ZAN: variants seen among roughly 807,000 people sequenced by gnomAD.
ZAN encodes zonadhesin.
Under a neutral mutation model 286.2 loss-of-function variants are expected in ZAN, and 260 were observed. That is an observed-to-expected ratio of 0.91 (90% CI 0.82 to 1.01). ZAN has a LOEUF of 1.01. Ranked by LOEUF, ZAN falls within the 50% of genes least tolerant of loss-of-function variation. The pLI is 0.00. For synonymous variants in ZAN, 1,368 were observed against 1,417.5 expected, an observed-to-expected ratio of 0.97 and a Z score of 0.79; for missense variants, 3,410 against 3,639.2, an observed-to-expected ratio of 0.94 and a Z score of 1.62.
chr7:100,766,900 G>A, intron 24 of ZAN, 110 bp from the exon 25 acceptor site: 4 of 1,538,690 alleles, frequency 2.6e-6, no homozygotes, highest in Non-Finnish European at 2.6e-6. Flanking sequence ...CACATCTGTG[G>A]GTGGGCCGTG....
At chr7:100,761,340 C>G (rs1462592907) in intron 19 of ZAN, among the ~76,000 whole-genome samples, 1 of 151,850 alleles carries the variant, frequency 6.6e-6, no homozygotes, top group Non-Finnish European at 1.5e-5. Context: ...CATATCTCCA[C>G]AAAAAAATTT....
rs1807588795 is a variant in ZAN, at chr7:100,739,430, G to T, written c.766+817G>T. Among the ~76,000 whole-genome samples, 3 of 138,674 alleles carry T rather than the reference G, an allele frequency of 2.2e-5. 1 individual carries two copies. Among genetic ancestry groups the T allele is most frequent in the Admixed American group, 7.1e-5 (1 of 14,046 alleles). 91.0% of individuals were successfully genotyped at this position (138,674 alleles called of 152,430 possible). A position where few individuals can be genotyped will look rare whatever the true frequency, so the allele number is the denominator to read the frequency against. On this transcript the variant is annotated intron_variant, in intron 7 of 47. Coordinates refer to ENST00000613979, the MANE Select transcript of ZAN (RefSeq NM_003386.3). ...AAGGAAGAGTAGGGTGTGGTAGCGG[G>T]GGGGCAGTTACCGACACAAAGTAAA...
rs374695881 is a variant in ZAN, at chr7:100,750,770, C to G, written c.1395C>G (p.Leu465=). ...HMYGLGEGTM[L]ELLLGSPAGS... ...ATGGCCTTGGGGAGGGTACTATGCT[C>G]GAACTCCTCCTGGGAAGTCCTGCGG... The change falls in exon 12 of 48, where the codon CTC becomes CTG. Residue 465 remains leucine (L), a synonymous_variant. Coordinates refer to ENST00000613979, the MANE Select transcript of ZAN (RefSeq NM_003386.3). 153 of 1,612,812 alleles carry G rather than the reference C, an allele frequency of 9.5e-5. No individual in the cohort carries two copies. The highest frequency in any genetic ancestry group is 1.2e-4 in the Non-Finnish European group (146 of 1,179,430).
At chr7:100,746,464 C>T in intron 7 of ZAN, 74 bp from the exon 8 acceptor site, 1 of 1,557,038 alleles carries the variant, frequency 6.4e-7, no homozygotes, top group Non-Finnish European at 8.7e-7. Context: ...TCCACAGCCT[C>T]CTCAGGGCCC....
chr7:100,795,421 C>T (rs1401896655), intron 45 of ZAN, 85 bp downstream of exon 45: 5 of 1,283,064 alleles, frequency 3.9e-6, no homozygotes, highest in Non-Finnish European at 5.0e-6. Flanking sequence ...ATTATATTCA[C>T]ATATAGAATG....
Position 100,752,887 on chromosome 7 carries a change from A to G in ZAN, c.2782A>G (p.Thr928Ala). The change falls in exon 14 of 48, where the codon ACC becomes GCC. Residue 928 changes from threonine to alanine, a missense_variant. By Grantham distance (58) the Thr-to-Ala change is moderately conservative (BLOSUM62 0). Transcript: ENST00000613979. ...ACCCACCATCCCCACGGAAAAACCC[A>G]CCATCCCCACTGAAGAGACTACCAT... ...EKPTIPTEKP[T>A]IPTEETTIST... The G allele has an allele frequency of 6.2e-7, 1 of 1,610,140 alleles. No individual in the cohort carries two copies. The highest frequency in any genetic ancestry group is 1.4e-5 in the African/African-American group (1 of 73,948).
intron 40 of ZAN, among the ~76,000 whole-genome samples, chr7:100,791,430 T>C (rs552342051): frequency 6.6e-6 from 1 of 151,982 alleles, no homozygotes; most frequent in South Asian, 2.1e-4. Flanking sequence ...CTCCTCCTAC[T>C]TCTTCTTCCT....
At chr7:100,780,327 A>G (rs1256602247) in intron 35 of ZAN, among the ~76,000 whole-genome samples, 1 of 152,160 alleles carries the variant, frequency 6.6e-6, no homozygotes, top group Non-Finnish European at 1.5e-5. Flanking sequence ...CATTTGCAGG[A>G]TTCAAAAACG....
chr7:100,758,142 C>G, intron 15 of ZAN, 60 bp from the exon 16 acceptor site: 1 of 1,336,286 alleles, frequency 7.5e-7, no homozygotes, highest in East Asian at 2.7e-5. Context: ...AAAAGAAAGG[C>G]AAAGGGAGAA....
intron 34 of ZAN, among the ~76,000 whole-genome samples, chr7:100,776,890 G>A (rs1215772774): frequency 4.1e-5 from 6 of 145,014 alleles, no homozygotes; most frequent in Admixed American, 2.1e-4. Context: ...CCGCCACCGC[G>A]CCCGGCTAAT....
intron 28 of ZAN, among the ~76,000 whole-genome samples, chr7:100,770,451 C>T (rs540522724): frequency 1.4e-4 from 21 of 145,122 alleles, no homozygotes; most frequent in Non-Finnish European, 3.1e-4. Flanking sequence ...TTGCAGTGAG[C>T]CGAGATTTCG....
chr7:100,792,428 C>G lies in ZAN; in HGVS notation c.7736C>G (p.Ser2579Cys). The change falls in exon 42 of 48, where the codon TCT becomes TGT. Residue 2579 changes from serine to cysteine, a missense_variant. This residue lies in a region of ZAN where 1,289 missense variants were observed against 1,314.3 expected (regional missense o/e 0.98). Transcript: ENST00000613979. ...AGGCACTGCGTGCTGGATCTGTGCT[C>G]TGCTCAGGACCCAAGAGAGCAAGAG... Reference protein sequence around the residue: ...FQEHCVLDLCSAQDPREQEEL... With the variant: ...FQEHCVLDLCCAQDPREQEEL... The G allele has an allele frequency of 6.2e-7, 1 of 1,613,436 alleles. No individual in the cohort carries two copies. Among genetic ancestry groups the G allele is most frequent in the Non-Finnish European group, 8.5e-7 (1 of 1,179,624 alleles).
intron 34 of ZAN, among the ~76,000 whole-genome samples, 154 bp downstream of exon 34, chr7:100,776,718 CTTTTTT>C (rs1161585746): frequency 1.3e-4 from 6 of 47,502 alleles, no homozygotes; most frequent in South Asian, 1.7e-3. Flanking sequence ...CCTCTCCTTT[CTTTTTT>C]TTTTTTTTTT....
At chr7:100,781,765 G>A (rs779639482) in intron 35 of ZAN, among the ~76,000 whole-genome samples, 12 of 149,694 alleles carry the variant, frequency 8.0e-5, no homozygotes, top group African/African-American at 1.5e-4. Context: ...CTCAGCCTCC[G>A]AGTAGCTGGG....
chr7:100,747,710 G>T (rs942937898), intron 9 of ZAN, 69 bp downstream of exon 9: 1 of 1,449,122 alleles, frequency 6.9e-7, no homozygotes. Context: ...AAATTGAGGG[G>T]CCTGGTGCTG....
At chr7:100,758,491 C>T in intron 16 of ZAN, 40 bp from the exon 17 acceptor site, 1 of 1,553,848 alleles carries the variant, frequency 6.4e-7, no homozygotes, top group Non-Finnish European at 8.7e-7. Context: ...CCTGGAGGAG[C>T]CACAGAAGCA....
chr7:100,769,083 T>TTTTTGTTTTG (rs148527571), intron 27 of ZAN, among the ~76,000 whole-genome samples: 3 of 151,240 alleles, frequency 2.0e-5, no homozygotes, highest in Admixed American at 6.6e-5. Context: ...CCCTGTCCAC[T>TTTTTGTTTTG]TTTTGTTTTG....
intron 25 of ZAN, among the ~76,000 whole-genome samples, chr7:100,767,592 C>T (rs1342090278): frequency 6.6e-6 from 1 of 150,644 alleles, no homozygotes; most frequent in Non-Finnish European, 1.5e-5. Flanking sequence ...CCTCCCACCT[C>T]GGCCTCCTAA....
In ZAN at chr7:100,795,284, C is replaced by A. The variant is rs373056447; in HGVS notation, c.8214C>A (p.Tyr2738Ter). Residue 2738 changes from tyrosine (Y) to a stop codon, truncating the protein, a stop_gained, in exon 45 of 48, where the codon TAC (tyrosine) becomes TAA (stop). Transcript: ENST00000613979. LOFTEE classifies it high-confidence loss of function. Reference protein sequence around the residue: ...ATFTCECEVGYGGGLCMEPRD... With the variant: ...ATFTCECEVG ...TCACCTGCGAGTGTGAAGTTGGTTA[C>A]GGGGGAGGCCTGTGTATGGAGCCTC... The A allele has an allele frequency of 5.0e-6, 8 of 1,610,640 alleles. No individual in the cohort carries two copies. The highest frequency in any genetic ancestry group is 5.9e-6 in the Non-Finnish European group (7 of 1,178,470).
Sources: allele counts gnomAD v4.1 joint callset (sites outside exome capture counted in the v4.1 genomes callset), GRCh38; gene constraint gnomAD v4.1.1; regional missense constraint gnomAD v4.1.1; transcripts MANE v1.5; gene names NCBI Gene and HGNC (gene_info 2026-07-23, HGNC 2026-07-21).